The following ADAMTS16 variants were observed in gnomAD, a reference collection of about 807,000 sequenced individuals.
The protein encoded by ADAMTS16 is A disintegrin and metalloproteinase with thrombospondin motifs 16.
Under a neutral mutation model 145.8 loss-of-function variants are expected in ADAMTS16, and 94 were observed. That is an observed-to-expected ratio of 0.64 (90% confidence interval 0.55 to 0.77). The LOEUF (loss-of-function observed/expected upper bound fraction) is 0.77. Ranked by LOEUF, ADAMTS16 falls within the 30% of genes least tolerant of loss-of-function variation. The pLI, the probability that ADAMTS16 is intolerant of heterozygous loss-of-function variation, is 0.00. For synonymous variants in ADAMTS16, 659 were observed against 604.3 expected (o/e 1.09, Z -1.33); for missense variants, 1,585 against 1,591.5 (o/e 1.00, Z 0.07).
chr5:5,306,968 T>TCACC (rs1740194402), intron 21 of ADAMTS16, among the ~76,000 whole-genome samples: 1 of 152,196 alleles, frequency 6.6e-6, no homozygotes, highest in East Asian at 1.9e-4. Flanking sequence ...CCTCTAAATG[T>TCACC]CACCCAATTA....
intron 21 of ADAMTS16, among the ~76,000 whole-genome samples, chr5:5,313,418 G>A (rs1036399897): frequency 3.9e-5 from 6 of 152,176 alleles, no homozygotes; most frequent in Admixed American, 3.9e-4. Flanking sequence ...CATGGTGCAG[G>A]GCAGCGCAGG....
intron 6 of ADAMTS16, among the ~76,000 whole-genome samples, chr5:5,188,976 A>T (rs1204937460): frequency 1.3e-5 from 2 of 152,218 alleles, no homozygotes; most frequent in Non-Finnish European, 2.9e-5. Context: ...ACTTTAATTA[A>T]TGCAGTTTTC....
chr5:5,207,550 T>G (rs909360468), intron 9 of ADAMTS16, among the ~76,000 whole-genome samples: 1 of 152,190 alleles, frequency 6.6e-6, no homozygotes, highest in African/African-American at 2.4e-5. Flanking sequence ...TTTATTGCAC[T>G]AGGTAGCACT....
At chr5:5,272,551 G>C (rs1352360447) in intron 18 of ADAMTS16, among the ~76,000 whole-genome samples, 2 of 151,772 alleles carry the variant, frequency 1.3e-5, no homozygotes, top group Non-Finnish European at 2.9e-5. Flanking sequence ...ATTTTTAGTA[G>C]AGATGGGGTT....
intron 20 of ADAMTS16, among the ~76,000 whole-genome samples, chr5:5,305,812 G>C (rs368635136): frequency 2.0e-5 from 3 of 152,330 alleles, no homozygotes; most frequent in East Asian, 1.9e-4. Context: ...AACGCCAGGG[G>C]CCGGGACCTC....
At chr5:5,157,338 A>C (rs764492974) in intron 3 of ADAMTS16, among the ~76,000 whole-genome samples, 1 of 152,144 alleles carries the variant, frequency 6.6e-6, no homozygotes. Context: ...GAAATACCAA[A>C]TAAGGGATGT....
rs530457658 is a variant in ADAMTS16 at position 5,208,526 on chromosome 5, T to G, written c.1452-567T>G. 2.0e-5 allele frequency among the ~76,000 whole-genome samples: 3 copies of G among 152,348 alleles called. No individual in the cohort carries two copies. In the East Asian group the frequency reaches 5.8e-4, roughly 29 times the overall value. On this transcript the variant is annotated intron_variant, in intron 9 of 22. Transcript: ENST00000274181. ...ACCAATGATTTCAGCAAGGTTAATTTTCTGCTTGACTTGGGGGTCATCAGA... is the reference window on the plus strand; with the variant it reads ...ACCAATGATTTCAGCAAGGTTAATTGTCTGCTTGACTTGGGGGTCATCAGA...
At position 5,217,350 on chromosome 5, in the gene ADAMTS16, T is replaced by C. The variant is rs182963968; in HGVS notation, c.1606-5439T>C. On this transcript the variant is annotated intron_variant, in intron 10 of 22. Coordinates refer to ENST00000274181, the MANE Select transcript of ADAMTS16 (RefSeq NM_139056.4). ...GGCAACAAAAGACAAAATTGACAAA[T>C]GGGATCTAATTAAACTAAAGAGCTT... Among the ~76,000 whole-genome samples, 240 of 152,160 alleles carry C rather than the reference T, an allele frequency of 1.6e-3. 6 individuals are homozygous for C. In the East Asian group the frequency reaches 0.045, roughly 29 times the overall value.
rs1258368375 is a variant in ADAMTS16 at position 5,204,568 on chromosome 5, G to T, written c.1451+4299G>T. Among the ~76,000 whole-genome samples, 8 of 152,218 alleles carry T rather than the reference G, an allele frequency of 5.3e-5. No homozygotes were observed. The East Asian group carries it at 1.5e-3, about 29-fold the overall frequency. On this transcript the variant is annotated intron_variant, in intron 9 of 22. Transcript: ENST00000274181. ...ATCAGGAGTTATGCACCCTTGTGCAGTTATGAGATTCATCCTTGTTGCTGC... is the reference window on the plus strand; with the variant it reads ...ATCAGGAGTTATGCACCCTTGTGCATTTATGAGATTCATCCTTGTTGCTGC...
At chr5:5,313,533 C>T (rs1014012585) in intron 21 of ADAMTS16, among the ~76,000 whole-genome samples, 1 of 152,190 alleles carries the variant, frequency 6.6e-6, no homozygotes, top group African/African-American at 2.4e-5. Context: ...AAACTGACCC[C>T]ACATGCAGAG....
intron 18 of ADAMTS16, among the ~76,000 whole-genome samples, chr5:5,302,773 T>C (rs1425158853): frequency 6.6e-6 from 1 of 152,162 alleles, no homozygotes; most frequent in Non-Finnish European, 1.5e-5. Flanking sequence ...ATTAATGCTC[T>C]AGATGTTATG....
chr5:5,232,369 G>T lies in ADAMTS16; in HGVS notation c.1703G>T (p.Trp568Leu). The T allele has an allele frequency of 6.2e-7, 1 of 1,613,974 alleles. No individual in the cohort carries two copies. ...ACTTATTTATGTTGAAAATTTTAGT[G>T]GTGCCGGGGAGGACAGTGTGTGAAA... Reference protein sequence around the residue: ...AEGTICGHDMWCRGGQCVKYG... With the variant: ...AEGTICGHDMLCRGGQCVKYG... Residue 568 changes from tryptophan to leucine, a missense_variant and splice_region_variant, in exon 12 of 23, where the codon TGG becomes TTG. Physicochemically the swap from Trp to Leu is moderately conservative, Grantham distance 61 (BLOSUM62 -2). Transcript: ENST00000274181.
intron 3 of ADAMTS16, among the ~76,000 whole-genome samples, chr5:5,175,514 C>T (rs1373232520): frequency 1.3e-5 from 2 of 152,268 alleles, no homozygotes; most frequent in South Asian, 2.1e-4. Context: ...CCTTGGCTGG[C>T]GTCTCATTAA....
intron 17 of ADAMTS16, among the ~76,000 whole-genome samples, chr5:5,244,128 G>C (rs1737373011): frequency 6.6e-6 from 1 of 152,160 alleles, no homozygotes; most frequent in East Asian, 1.9e-4. Context: ...CCTCTTCATA[G>C]GACAGAAGAC....
rs142922351 is a variant in ADAMTS16 at position 5,272,083 on chromosome 5, C to T, written c.2789+9300C>T. On this transcript the variant is annotated intron_variant, in intron 18 of 22. Coordinates refer to ENST00000274181, the MANE Select transcript of ADAMTS16 (RefSeq NM_139056.4). Reference sequence around the variant, plus strand: ...TGCTTATCTCTTTTCGATCTGAGGCCGTGAAAATACTAATCACCCAGTAAT... The same window carrying T: ...TGCTTATCTCTTTTCGATCTGAGGCTGTGAAAATACTAATCACCCAGTAAT... 1.1e-3 allele frequency among the ~76,000 whole-genome samples: 171 copies of T among 152,086 alleles called. 4 individuals carry two copies. Among genetic ancestry groups the T allele is most frequent in the East Asian group, 7.7e-3 (40 of 5,168 alleles).
chr5:5,160,319 C>A (rs1481573800), intron 3 of ADAMTS16, among the ~76,000 whole-genome samples: 1 of 152,138 alleles, frequency 6.6e-6, no homozygotes, highest in African/African-American at 2.4e-5. Flanking sequence ...TTAAAACTTT[C>A]TTGGATCTAA....
intron 8 of ADAMTS16, among the ~76,000 whole-genome samples, chr5:5,196,546 G>C (rs931340279): frequency 6.6e-6 from 1 of 152,190 alleles, no homozygotes; most frequent in East Asian, 1.9e-4. Context: ...CAGAGCATCA[G>C]TTCTTACCAA....
intron 11 of ADAMTS16, among the ~76,000 whole-genome samples, chr5:5,228,629 A>G (rs985210998): frequency 1.3e-5 from 2 of 152,210 alleles, no homozygotes; most frequent in Non-Finnish European, 2.9e-5. Flanking sequence ...AAAAGGAGCC[A>G]GAACTTTTTG....
chr5:5,255,211 T>C (rs1053078161), intron 17 of ADAMTS16, among the ~76,000 whole-genome samples: 3 of 152,220 alleles, frequency 2.0e-5, no homozygotes, highest in Non-Finnish European at 4.4e-5. Flanking sequence ...TTATCTTGCA[T>C]GTTTGTACTT....
Sources: gnomAD v4.1 joint callset for allele counts (sites outside exome capture counted in the v4.1 genomes callset) on GRCh38, gnomAD v4.1.1 for gene constraint, MANE v1.5 for transcripts, NCBI Gene and HGNC (gene_info 2026-07-23, HGNC 2026-07-21) for gene names.